Variants in KCNIP1 observed in about 807,000 individuals in gnomAD.
KCNIP1 encodes A-type potassium channel modulatory protein KCNIP1.
In KCNIP1, 18 loss-of-function variants were observed where a neutral mutation model predicts 33.0. The observed-to-expected ratio is 0.55, with a 90% CI of 0.38 to 0.81. The LOEUF is 0.81. KCNIP1 is among the 30% of genes least tolerant of loss of function. The pLI is 0.00. For synonymous variants in KCNIP1, 93 were observed against 98.3 expected (o/e 0.95, Z 0.32); for missense variants, 238 against 271.6 (o/e 0.88, Z 0.87).
chr5:170,363,926 G>A (rs1256973613), intron 1 of KCNIP1, among the ~76,000 whole-genome samples: 1 of 151,448 alleles, frequency 6.6e-6, no homozygotes, highest in Non-Finnish European at 1.5e-5. Context: ...CTATTAACTT[G>A]ACTGTTCTAG....
intron 1 of KCNIP1, among the ~76,000 whole-genome samples, chr5:170,682,445 T>A (rs1039433543): frequency 6.6e-6 from 1 of 152,210 alleles, no homozygotes; most frequent in Admixed American, 6.5e-5. Context: ...TATGTAAGGA[T>A]GTTTTTTAGC....
At chr5:170,466,494 A>G (rs1174219482) in intron 1 of KCNIP1, among the ~76,000 whole-genome samples, 1 of 152,208 alleles carries the variant, frequency 6.6e-6, no homozygotes, top group African/African-American at 2.4e-5. Context: ...TGAAATGAGT[A>G]AAGGATCTAG....
rs1763694838 is a variant in KCNIP1, at chr5:170,367,355, A to T, written c.88+13391A>T. Reference sequence around the variant, plus strand: ...AGAAGGAAAGAAGGAAAGAAAAAGAAAGAAAGAAAGAAAGAAAGAAAGAAA... The same window carrying T: ...AGAAGGAAAGAAGGAAAGAAAAAGATAGAAAGAAAGAAAGAAAGAAAGAAA... On this transcript the variant is annotated intron_variant, in intron 1 of 7. Coordinates refer to the KCNIP1 transcript ENST00000377360. Among the ~76,000 whole-genome samples the T allele has an allele frequency of 3.5e-5, 2 of 57,894 alleles. 1 individual carries two copies. Among genetic ancestry groups the T allele is most frequent in the African/African-American group, 1.6e-4 (2 of 12,724 alleles). 38.0% of individuals were successfully genotyped at this position (57,894 alleles called of 152,430 possible).
At chr5:170,706,462 G>A (rs891165511) in intron 1 of KCNIP1, among the ~76,000 whole-genome samples, 1 of 152,166 alleles carries the variant, frequency 6.6e-6, no homozygotes, top group Non-Finnish European at 1.5e-5. Context: ...TATCAATCAG[G>A]CTTTTCCACC....
rs1757233116 is a variant in KCNIP1, at chr5:170,492,814, G to A, written c.88+138850G>A. On this transcript the variant is annotated intron_variant, in intron 1 of 7. Coordinates refer to the KCNIP1 transcript ENST00000377360. ...GGAGTCTCACTCTGTCACCCAGGCT[G>A]GAGTGCAGTGGCACAACATCTGCCT... Among the ~76,000 whole-genome samples, 3 of 152,122 alleles carry A rather than the reference G, an allele frequency of 2.0e-5. No homozygotes were observed. The South Asian group carries it at 6.2e-4, about 32-fold the overall frequency.
rs1253061234 is a variant in KCNIP1 at position 170,651,504 on chromosome 5, C to T, written c.62-67254C>T. Among the ~76,000 whole-genome samples, 5 of 152,116 alleles carry T rather than the reference C, an allele frequency of 3.3e-5. No homozygotes were observed. The South Asian group carries it at 8.3e-4, about 25-fold the overall frequency. ...AGACTGTCTCCACAGTGAACAACCC[C>T]GTCCTGTCCCCTGGGCGTCTCCTTA... On this transcript the variant is annotated intron_variant, in intron 1 of 7. Transcript: ENST00000328939.
intron 1 of KCNIP1, among the ~76,000 whole-genome samples, chr5:170,676,321 A>G (rs1366058130): frequency 6.6e-6 from 1 of 152,208 alleles, no homozygotes; most frequent in African/African-American, 2.4e-5. Flanking sequence ...TGTGCCCACA[A>G]AAGGGCACCA....
intron 1 of KCNIP1, among the ~76,000 whole-genome samples, chr5:170,685,077 AC>A (rs1399655682): frequency 6.6e-6 from 1 of 151,920 alleles, no homozygotes; most frequent in African/African-American, 2.4e-5. Context: ...GGGAATGGTA[AC>A]CTTTGGCCTC....
intron 1 of KCNIP1, among the ~76,000 whole-genome samples, chr5:170,421,701 A>C (rs935434621): frequency 1.3e-5 from 2 of 152,180 alleles, no homozygotes; most frequent in Non-Finnish European, 2.9e-5. Context: ...CATCATCTTC[A>C]TGATTAGATT....
chr5:170,639,837 T>A (rs1387073605), intron 1 of KCNIP1, among the ~76,000 whole-genome samples: 1 of 152,208 alleles, frequency 6.6e-6, no homozygotes, highest in African/African-American at 2.4e-5. Context: ...TATGATCAAC[T>A]CCCTCCCCCT....
chr5:170,383,759 A>ACTG lies in KCNIP1; in HGVS notation c.88+29795_88+29796insCTG, dbSNP rs1479702687. 2.5e-6 allele frequency: 4 copies of ACTG among 1,614,152 alleles called. No individual in the cohort carries two copies. In the South Asian group the frequency reaches 4.4e-5, roughly 18 times the overall value. On this transcript the variant is annotated intron_variant, in intron 1 of 7. Transcript: ENST00000377360. ...GCAGCTGACACGTTGACCCACAGGCATGGGTACTGGGGCACCTTCTTGCCC... is the reference window on the plus strand; with the variant it reads ...GCAGCTGACACGTTGACCCACAGGCACTGTGGGTACTGGGGCACCTTCTTGCCC...
chr5:170,540,178 G>A (rs531128264), intron 1 of KCNIP1, among the ~76,000 whole-genome samples: 15 of 152,220 alleles, frequency 9.9e-5, no homozygotes, highest in African/African-American at 3.1e-4. Context: ...AAACTCAAAT[G>A]TGAGACAAAC....
chr5:170,712,783 C>T (rs1763497931), intron 1 of KCNIP1: 2 of 1,461,778 alleles, frequency 1.4e-6, no homozygotes, highest in African/African-American at 2.8e-5. Context: ...GGCCTCTCTC[C>T]ATTGACAATA....
chr5:170,573,544 G>A (rs1044004095), intron 1 of KCNIP1, among the ~76,000 whole-genome samples: 1 of 152,042 alleles, frequency 6.6e-6, no homozygotes, highest in Non-Finnish European at 1.5e-5. Context: ...CATCTATGTT[G>A]GGGGTCCACA....
At chr5:170,390,517 A>AAAAAATATATATATATATATAT in intron 1 of KCNIP1, among the ~76,000 whole-genome samples, 1 of 74,538 alleles carries the variant, frequency 1.3e-5, no homozygotes, top group Non-Finnish European at 2.5e-5. Context: ...AAAAAAAACA[A>AAAAAATATATATATATATATAT]ATATATATAT....
intron 1 of KCNIP1, among the ~76,000 whole-genome samples, chr5:170,457,256 A>AG (rs1454269213): frequency 1.3e-5 from 2 of 152,224 alleles, no homozygotes; most frequent in Non-Finnish European, 2.9e-5. Context: ...AAATCTAAAT[A>AG]GGTATTTAAA....
At chr5:170,661,665 A>C (rs1027325076) in intron 1 of KCNIP1, among the ~76,000 whole-genome samples, 3 of 152,208 alleles carry the variant, frequency 2.0e-5, no homozygotes, top group Admixed American at 2.0e-4. Context: ...CACATGGGCT[A>C]CTGCTCACCC....
intron 1 of KCNIP1, among the ~76,000 whole-genome samples, chr5:170,439,730 G>A (rs1312072179): frequency 1.3e-5 from 2 of 152,242 alleles, no homozygotes; most frequent in African/African-American, 2.4e-5. Context: ...AAGGCTTCCA[G>A]CAACATTCCC....
chr5:170,499,006 C>T (rs547784658), intron 1 of KCNIP1, among the ~76,000 whole-genome samples: 108 of 151,816 alleles, frequency 7.1e-4, no homozygotes, highest in African/African-American at 2.4e-3. Flanking sequence ...GGCTGAGTGG[C>T]GGTGGATGGG....
Sources: allele counts gnomAD v4.1 joint callset (sites outside exome capture counted in the v4.1 genomes callset), GRCh38; gene constraint gnomAD v4.1.1; transcripts MANE v1.5; gene names NCBI Gene and HGNC (gene_info 2026-07-23, HGNC 2026-07-21).